Variants in PIP5K1C observed in about 807,000 individuals in gnomAD.
PIP5K1C encodes phosphatidylinositol 4-phosphate 5-kinase type-1 gamma.
In PIP5K1C, 45 loss-of-function variants were observed where a neutral mutation model predicts 80.1. That is an observed-to-expected ratio of 0.56 (90% CI 0.44 to 0.72). The LOEUF (loss-of-function observed/expected upper bound fraction) is 0.72. Among genes scored for constraint, PIP5K1C ranks in the 30% least tolerant of loss-of-function variants. The pLI is 0.00. For synonymous variants in PIP5K1C, 498 were observed against 420.1 expected, an observed-to-expected ratio of 1.19 and a Z score of -2.27; for missense variants, 753 against 954.6, an observed-to-expected ratio of 0.79 and a Z score of 2.78.
intron 11 of PIP5K1C, among the ~76,000 whole-genome samples, chr19:3,645,610 T>C (rs2034180770): frequency 6.6e-6 from 1 of 152,148 alleles, no homozygotes; most frequent in Non-Finnish European, 1.5e-5. Context: ...CCCCACACAC[T>C]GTGAGCTATC....
intron 6 of PIP5K1C, among the ~76,000 whole-genome samples, chr19:3,656,031 ACCCTTGGGC>A (rs1410323673): frequency 8.6e-5 from 13 of 152,012 alleles, no homozygotes; most frequent in African/African-American, 2.9e-4. Flanking sequence ...CCTCTGAGTC[ACCCTTGGGC>A]CCCTTGGGCC....
chr19:3,700,260 C>G, intron 1 of PIP5K1C, 37 bp downstream of exon 1: 1 of 1,146,914 alleles, frequency 8.7e-7, no homozygotes, highest in South Asian at 2.3e-5. Flanking sequence ...CTCGGACGAG[C>G]CCAGCGGGCC....
chr19:3,697,299 G>A (rs1163446700), intron 1 of PIP5K1C, among the ~76,000 whole-genome samples: 3 of 150,186 alleles, frequency 2.0e-5, no homozygotes, highest in Non-Finnish European at 3.0e-5. Context: ...GACCGAGCCG[G>A]ATGGAGGAGG....
chr19:3,651,909 C>T lies in PIP5K1C; in HGVS notation c.1044G>A (p.Val348=), dbSNP rs2034465639. The change falls in exon 8 of 18, where the codon GTG becomes GTA. Residue 348 remains valine (V), a synonymous_variant. Coordinates refer to ENST00000335312, the MANE Select transcript of PIP5K1C (RefSeq NM_012398.3). ...AQSTSDEKRP[V]GQKALYSTAM... ...CCGTGGAGTAGAGCGCCTTCTGGCC[C>T]ACAGGCCGCTTCTCATCTGAGGTGC... 1 of 1,612,860 alleles carries T rather than the reference C, an allele frequency of 6.2e-7. No individual in the cohort carries two copies. The highest frequency in any genetic ancestry group is 1.7e-5 in the Admixed American group (1 of 60,018).
intron 1 of PIP5K1C, among the ~76,000 whole-genome samples, chr19:3,690,011 T>C (rs1215150048): frequency 1.3e-5 from 2 of 152,012 alleles, no homozygotes; most frequent in Non-Finnish European, 2.9e-5. Context: ...CCCAAGTGTA[T>C]GGGCCAGAGA....
intron 1 of PIP5K1C, among the ~76,000 whole-genome samples, chr19:3,671,892 G>C (rs2035217764): frequency 1.3e-5 from 2 of 152,254 alleles, no homozygotes; most frequent in South Asian, 2.1e-4. Flanking sequence ...ATTATCTGCT[G>C]AATGAGCCAC....
At chr19:3,691,779 A>G (rs2035958454) in intron 1 of PIP5K1C, among the ~76,000 whole-genome samples, 1 of 152,202 alleles carries the variant, frequency 6.6e-6, no homozygotes, top group South Asian at 2.1e-4. Flanking sequence ...ACTGGGGGTG[A>G]CAGCACCTCC....
chr19:3,698,611 T>C (rs1040834956), intron 1 of PIP5K1C, among the ~76,000 whole-genome samples: 1 of 151,920 alleles, frequency 6.6e-6, no homozygotes, highest in African/African-American at 2.4e-5. Context: ...TGGCATGGAG[T>C]GGGCAGAAGC....
At chr19:3,694,097 A>G (rs2036029324) in intron 1 of PIP5K1C, among the ~76,000 whole-genome samples, 1 of 151,784 alleles carries the variant, frequency 6.6e-6, no homozygotes, top group South Asian at 2.1e-4. Flanking sequence ...CTGTAGTCCC[A>G]GCTACTCAGG....
chr19:3,641,899 C>T, intron 14 of PIP5K1C, 90 bp from the exon 15 acceptor site: 1 of 1,034,128 alleles, frequency 9.7e-7, no homozygotes, highest in Non-Finnish European at 1.5e-6. Flanking sequence ...AGGGCCAGTC[C>T]CAGAGGGGAG....
chr19:3,635,796 G>A (rs1599916297), intron 16 of PIP5K1C, among the ~76,000 whole-genome samples: 2 of 152,164 alleles, frequency 1.3e-5, no homozygotes, highest in African/African-American at 2.4e-5. Flanking sequence ...TGGTGAACAC[G>A]GTGAAACCTC....
intron 1 of PIP5K1C, among the ~76,000 whole-genome samples, chr19:3,675,460 T>C (rs1176913711): frequency 2.6e-5 from 4 of 152,162 alleles, no homozygotes; most frequent in African/African-American, 9.7e-5. Flanking sequence ...ACACTGTCTG[T>C]GCTGTAGAAC....
intron 1 of PIP5K1C, among the ~76,000 whole-genome samples, chr19:3,678,851 TGGAGGGATGGCGGGATGGCAGGATGGAG>T (rs2035499477): frequency 2.8e-5 from 1 of 35,104 alleles, no homozygotes; most frequent in African/African-American, 1.2e-4. Flanking sequence ...GAGGGAGGGA[TGGAGGGATGGCGGGATGGCAGGATGGAG>T]GGAGGGATGG....
At chr19:3,654,483 T>C (rs1246604087) in intron 6 of PIP5K1C, among the ~76,000 whole-genome samples, 1 of 152,064 alleles carries the variant, frequency 6.6e-6, no homozygotes, top group Admixed American at 6.5e-5. Context: ...CCACCTATTT[T>C]TGTAGGGCTG....
chr19:3,671,129 G>C (rs891480255), intron 1 of PIP5K1C, among the ~76,000 whole-genome samples: 6 of 152,182 alleles, frequency 3.9e-5, no homozygotes, highest in African/African-American at 1.4e-4. Flanking sequence ...TCGGGGGCCC[G>C]GGCGTCCCCC....
In PIP5K1C at chr19:3,637,871, C is replaced by T; in HGVS notation, c.1920+1013G>A. 1 of 1,535,402 alleles carries T rather than the reference C, an allele frequency of 6.5e-7. No individual in the cohort carries two copies. The highest frequency in any genetic ancestry group is 1.2e-5 in the South Asian group (1 of 84,060). On this transcript the variant is annotated intron_variant, in intron 16 of 17. Transcript: ENST00000335312. The surrounding 1 kb of genome is among the most constrained non-coding windows in gnomAD (Gnocchi z 7.0). Reference sequence around the variant, plus strand: ...GACATGGCCCCCAGGCCCCCCGTACCATCCGGAGACCAGGACGCGCACAAA... The same window carrying T: ...GACATGGCCCCCAGGCCCCCCGTACTATCCGGAGACCAGGACGCGCACAAA...
At chr19:3,700,067 G>A (rs1211137234) in intron 1 of PIP5K1C, among the ~76,000 whole-genome samples, 3 of 151,934 alleles carry the variant, frequency 2.0e-5, no homozygotes, top group African/African-American at 7.3e-5. Flanking sequence ...ACGCCGAGTC[G>A]CCCCCGGCCC....
At chr19:3,657,617 G>A (rs553882834) in intron 5 of PIP5K1C, among the ~76,000 whole-genome samples, 2 of 152,216 alleles carry the variant, frequency 1.3e-5, no homozygotes, top group Non-Finnish European at 2.9e-5. Context: ...AGAGTCAGGA[G>A]TGGTGGCGAG....
chr19:3,682,816 C>T (rs757927118), intron 1 of PIP5K1C, among the ~76,000 whole-genome samples: 5 of 152,192 alleles, frequency 3.3e-5, no homozygotes, highest in African/African-American at 1.2e-4. Flanking sequence ...TGAGAGACCC[C>T]GAGCCAGGAC....
Sources: gnomAD v4.1 joint callset for allele counts (sites outside exome capture counted in the v4.1 genomes callset) on GRCh38, gnomAD v4.1.1 for gene constraint, Gnocchi (gnomAD v3.1) non-coding constraint, MANE v1.5 for transcripts, NCBI Gene and HGNC (gene_info 2026-07-23, HGNC 2026-07-21) for gene names.